Variants in CFAP90 observed in about 807,000 individuals in gnomAD.
The protein encoded by CFAP90 is cilia and flagella associated protein 90, also known as cilia- and flagella-associated protein 90.
At chr5:7,850,795 CCCA>C in the CFAP90 span, 2,654 of 279,298 alleles carry the variant, frequency 9.5e-3, 24 homozygotes, top group Non-Finnish European at 0.01. Flanking sequence ...TGCCCAGCCG[CCCA>C]GCCGCCCAGC....
chr5:7,833,838 T>A, the CFAP90 span, among the ~76,000 whole-genome samples: 1 of 152,162 alleles, frequency 6.6e-6, no homozygotes, highest in African/African-American at 2.4e-5. Context: ...AAAATTCCTA[T>A]CACCTAAGGA....
chr5:7,845,381 G>A, the CFAP90 span, among the ~76,000 whole-genome samples: 3 of 152,176 alleles, frequency 2.0e-5, no homozygotes, highest in Non-Finnish European at 2.9e-5. Flanking sequence ...AGTCCTTGAT[G>A]CATAAAGAAA....
the CFAP90 span, among the ~76,000 whole-genome samples, chr5:7,834,245 G>GT: frequency 6.6e-6 from 1 of 152,026 alleles, no homozygotes; most frequent in Non-Finnish European, 1.5e-5. Flanking sequence ...TCCTGACCCT[G>GT]TGTAGGCCGA....
chr5:7,851,067 C>A, the CFAP90 span: 3 of 1,235,988 alleles, frequency 2.4e-6, no homozygotes, highest in Middle Eastern at 3.1e-4. Context: ...TCCGTCCCGC[C>A]CGCCCAGGGG....
the CFAP90 span, among the ~76,000 whole-genome samples, chr5:7,845,137 T>G: frequency 6.6e-6 from 1 of 151,796 alleles, no homozygotes; most frequent in African/African-American, 2.4e-5. Flanking sequence ...AAGAGGGAAG[T>G]GCCACTTTTA....
the CFAP90 span, among the ~76,000 whole-genome samples, chr5:7,849,927 C>G: frequency 3.3e-4 from 51 of 152,240 alleles, 1 homozygote; most frequent in East Asian, 9.3e-3. Context: ...GGGAGCCGCG[C>G]CCAGCCCGCT....
chr5:7,832,055 G>T, the CFAP90 span: 2 of 1,596,540 alleles, frequency 1.3e-6, no homozygotes, highest in African/African-American at 2.7e-5. Context: ...AAAGCACATA[G>T]TCAGCACCAC....
chr5:7,839,688 G>A, the CFAP90 span, among the ~76,000 whole-genome samples: 1 of 152,124 alleles, frequency 6.6e-6, no homozygotes, highest in African/African-American at 2.4e-5. Flanking sequence ...CACAATCCCT[G>A]GATTAGTTGC....
At chr5:7,831,975 T>A in the CFAP90 span, 1 of 1,614,058 alleles carries the variant, frequency 6.2e-7, no homozygotes, top group Non-Finnish European at 8.5e-7. Flanking sequence ...ATGGGCTGAT[T>A]GATGCGCTTC....
At chr5:7,837,483 C>G in the CFAP90 span, among the ~76,000 whole-genome samples, 1 of 152,130 alleles carries the variant, frequency 6.6e-6, no homozygotes, top group Admixed American at 6.5e-5. Flanking sequence ...CAGGAGGATA[C>G]AGAGGTAGAA....
chr5:7,837,991 CAACTT>C, the CFAP90 span, among the ~76,000 whole-genome samples: 9 of 152,158 alleles, frequency 5.9e-5, no homozygotes, highest in Non-Finnish European at 1.2e-4. Flanking sequence ...CACTCTCACT[CAACTT>C]CTGGATGTGT....
At chr5:7,846,608 TGTC>T in the CFAP90 span, among the ~76,000 whole-genome samples, 13 of 152,302 alleles carry the variant, frequency 8.5e-5, no homozygotes, top group South Asian at 1.9e-3. Flanking sequence ...CTCCTAATAC[TGTC>T]ATGTTGGGGG....
At chr5:7,835,435 G>T in the CFAP90 span, 1 of 1,608,190 alleles carries the variant, frequency 6.2e-7, no homozygotes. Context: ...TCATCTCGGT[G>T]CAACTTCTGA....
At chr5:7,831,861 C>G in the CFAP90 span, 2 of 1,612,588 alleles carry the variant, frequency 1.2e-6, no homozygotes, top group Non-Finnish European at 1.7e-6. Flanking sequence ...CAGGATGGAG[C>G]AATGTGCCCA....
chr5:7,849,898 G>T, the CFAP90 span, among the ~76,000 whole-genome samples: 2 of 152,260 alleles, frequency 1.3e-5, no homozygotes, highest in Admixed American at 6.5e-5. Context: ...GCCTGGGCCT[G>T]CCGCAGACAG....
the CFAP90 span, among the ~76,000 whole-genome samples, chr5:7,842,928 C>A: frequency 0.031 from 4,761 of 152,296 alleles, 105 homozygotes; most frequent in East Asian, 0.085. Flanking sequence ...TACAAGCCAG[C>A]TCCAGCACAC....
chr5:7,850,994 C>T, the CFAP90 span: 6 of 1,287,050 alleles, frequency 4.7e-6, no homozygotes, highest in South Asian at 1.7e-4. Flanking sequence ...AGCGTGGACG[C>T]GGTGGTCTCC....
chr5:7,831,436 A>G, the CFAP90 span: 2 of 161,128 alleles, frequency 1.2e-5, no homozygotes, highest in African/African-American at 2.4e-5. Flanking sequence ...TGGGAAAAGC[A>G]ACTGCACCTC....
the CFAP90 span, among the ~76,000 whole-genome samples, chr5:7,834,927 A>G: frequency 1.3e-5 from 2 of 152,118 alleles, no homozygotes; most frequent in Non-Finnish European, 2.9e-5. Flanking sequence ...TAAGCAAGGC[A>G]TGACTGTACA....
Sources: allele counts gnomAD v4.1 joint callset (sites outside exome capture counted in the v4.1 genomes callset), GRCh38; gene constraint gnomAD v4.1.1; transcripts MANE v1.5; gene names NCBI Gene and HGNC (gene_info 2026-07-23, HGNC 2026-07-21).